Variants in FHIT observed in about 807,000 individuals in gnomAD.
FHIT encodes the protein bis(5'-adenosyl)-triphosphatase.
A neutral mutation model predicts 17.9 loss-of-function variants in FHIT; 19 were observed. The observed-to-expected ratio is 1.06, with a 90% CI of 0.74 to 1.56. The LOEUF (loss-of-function observed/expected upper bound fraction) is 1.56, where lower values mean the gene tolerates loss of function less well. Ranked by LOEUF, FHIT falls within the 40% of genes most tolerant of loss-of-function variation. The probability of loss-of-function intolerance (pLI) is 0.00; values close to 1 mark genes in which losing one functional copy is unlikely to be tolerated. For missense variants in FHIT, 248 were observed against 189.2 expected (o/e 1.31, Z -1.82); for synonymous variants, 81 against 69.7 (o/e 1.16, Z -0.81).
intron 7 of FHIT, among the ~76,000 whole-genome samples, chr3:59,957,775 ACT>A (rs1225640134): frequency 6.6e-6 from 1 of 152,170 alleles, no homozygotes. Context: ...CTACTCTATG[ACT>A]TCTGTTTACT....
At chr3:60,256,468 G>A (rs1400020618) in intron 5 of FHIT, among the ~76,000 whole-genome samples, 2 of 152,186 alleles carry the variant, frequency 1.3e-5, no homozygotes, top group Admixed American at 6.5e-5. Flanking sequence ...AGCAGGAACT[G>A]ACTGAGGCAA....
intron 8 of FHIT, among the ~76,000 whole-genome samples, chr3:59,908,830 G>A (rs569850824): frequency 1.4e-4 from 22 of 152,174 alleles, no homozygotes; most frequent in Non-Finnish European, 2.4e-4. Context: ...AACTTTGGGA[G>A]TCAAGAACAT....
At chr3:60,052,538 A>G (rs1319433128) in intron 5 of FHIT, among the ~76,000 whole-genome samples, 1 of 152,088 alleles carries the variant, frequency 6.6e-6, no homozygotes, top group Non-Finnish European at 1.5e-5. Flanking sequence ...TAGGAGGGAA[A>G]AGAGGGAATC....
chr3:60,716,333 A>T (rs2107951598), intron 4 of FHIT, among the ~76,000 whole-genome samples: 1 of 151,804 alleles, frequency 6.6e-6, no homozygotes, highest in Admixed American at 6.6e-5. Flanking sequence ...GCACAAAAAT[A>T]TTTTCTTTCT....
chr3:60,036,699 C>G (rs1701231947), intron 5 of FHIT, among the ~76,000 whole-genome samples: 1 of 152,146 alleles, frequency 6.6e-6, no homozygotes, highest in Admixed American at 6.5e-5. Flanking sequence ...CTTTACATAG[C>G]TGTATTCAGG....
chr3:60,148,476 AT>A (rs2107322083), intron 5 of FHIT, among the ~76,000 whole-genome samples: 1 of 152,318 alleles, frequency 6.6e-6, no homozygotes, highest in Non-Finnish European at 1.5e-5. Flanking sequence ...TTCTGGTAGA[AT>A]TTTAACTTTG....
chr3:60,389,767 ATTAT>A (rs1238351655), intron 5 of FHIT, among the ~76,000 whole-genome samples: 1 of 152,174 alleles, frequency 6.6e-6, no homozygotes, highest in Non-Finnish European at 1.5e-5. Context: ...CTGTCATTTT[ATTAT>A]TTATTCTTGA....
chr3:59,824,980 T>C (rs1012321267), intron 8 of FHIT, among the ~76,000 whole-genome samples: 1 of 152,218 alleles, frequency 6.6e-6, no homozygotes, highest in African/African-American at 2.4e-5. Context: ...CAGCTACTTC[T>C]GCAAAGAGGT....
In FHIT at chr3:60,935,562, T is replaced by C. The variant is rs1485719407; in HGVS notation, c.-111+106485A>G. On this transcript the variant is annotated intron_variant, in intron 3 of 9. Coordinates refer to ENST00000492590, the MANE Select transcript of FHIT (RefSeq NM_002012.4). ...AAGTTTCAAACAATCCACACAGAAATGGCCCCACACATGAGCCTGCTCTCT... is the reference window on the plus strand; with the variant it reads ...AAGTTTCAAACAATCCACACAGAAACGGCCCCACACATGAGCCTGCTCTCT... Among the ~76,000 whole-genome samples, 3 of 152,314 alleles carry C rather than the reference T, an allele frequency of 2.0e-5. No homozygotes were observed. The East Asian group carries it at 5.8e-4, about 29-fold the overall frequency.
rs533798303 is a variant in FHIT, at chr3:59,858,589, G to T, written c.348+63757C>A. 1.2e-4 allele frequency among the ~76,000 whole-genome samples: 18 copies of T among 152,050 alleles called. No individual in the cohort carries two copies. The South Asian group carries it at 2.5e-3, about 21-fold the overall frequency. Reference sequence around the variant, plus strand: ...AGGAGGCAGGAGCGAGGGGTGTCTTGTGGAGGTGGGTAGTGATGGCAGCCT... The same window carrying T: ...AGGAGGCAGGAGCGAGGGGTGTCTTTTGGAGGTGGGTAGTGATGGCAGCCT... On this transcript the variant is annotated intron_variant, in intron 8 of 9. Coordinates refer to ENST00000492590, the MANE Select transcript of FHIT (RefSeq NM_002012.4).
At chr3:59,834,424 GAGAC>G (rs1311882162) in intron 8 of FHIT, among the ~76,000 whole-genome samples, 1 of 152,116 alleles carries the variant, frequency 6.6e-6, no homozygotes, top group Non-Finnish European at 1.5e-5. Flanking sequence ...TAGAGAGAGA[GAGAC>G]AGAGAGACAG....
intron 5 of FHIT, among the ~76,000 whole-genome samples, chr3:60,312,560 A>G (rs1708994871): frequency 1.3e-5 from 2 of 152,200 alleles, no homozygotes; most frequent in Admixed American, 6.5e-5. Context: ...TTTAGTGTGA[A>G]AACAAATAAA....
intron 3 of FHIT, among the ~76,000 whole-genome samples, chr3:60,932,857 C>T (rs1362607930): frequency 1.3e-5 from 2 of 152,160 alleles, no homozygotes; most frequent in Non-Finnish European, 2.9e-5. Context: ...GCTTCCCTTT[C>T]ATCTACCCAC....
intron 3 of FHIT, among the ~76,000 whole-genome samples, chr3:60,969,946 C>A (rs1053472956): frequency 1.3e-5 from 2 of 152,110 alleles, no homozygotes; most frequent in Non-Finnish European, 2.9e-5. Flanking sequence ...CTCACTGCAA[C>A]CTCTGCCTCC....
At chr3:60,930,338 A>G (rs1178981317) in intron 3 of FHIT, among the ~76,000 whole-genome samples, 3 of 152,218 alleles carry the variant, frequency 2.0e-5, no homozygotes, top group Non-Finnish European at 4.4e-5. Context: ...ACCAAAAGCA[A>G]TGGTAACAAA....
chr3:60,247,779 A>C (rs1705477893), intron 5 of FHIT, among the ~76,000 whole-genome samples: 1 of 152,122 alleles, frequency 6.6e-6, no homozygotes, highest in Non-Finnish European at 1.5e-5. Context: ...TCATCTCTAA[A>C]ATGAGAGAAA....
rs1553798840 is a variant in FHIT, at chr3:61,014,807, AAT to A, written c.-111+27238_-111+27239del. 8.3e-3 allele frequency among the ~76,000 whole-genome samples: 409 copies of A among 49,110 alleles called. 5 individuals are homozygous for A. The highest frequency in any genetic ancestry group is 0.054 in the Middle Eastern group (3 of 56). 32.2% of individuals were successfully genotyped at this position (49,110 alleles called of 152,430 possible). A position where few individuals can be genotyped will look rare whatever the true frequency, so the allele number is the denominator to read the frequency against. On this transcript the variant is annotated intron_variant, in intron 3 of 9. Coordinates refer to ENST00000492590, the MANE Select transcript of FHIT (RefSeq NM_002012.4). ...AAAAAAAAAAAAAAAAAAAAAAAAA[AAT>A]ATATATATATATATATGTATACACA...
intron 4 of FHIT, among the ~76,000 whole-genome samples, chr3:60,745,717 A>C (rs1390199928): frequency 6.6e-6 from 1 of 152,156 alleles, no homozygotes; most frequent in African/African-American, 2.4e-5. Flanking sequence ...TATTCTAACA[A>C]TAGTTACTCT....
At chr3:60,751,581 A>C (rs2042467658) in intron 4 of FHIT, among the ~76,000 whole-genome samples, 1 of 152,186 alleles carries the variant, frequency 6.6e-6, no homozygotes, top group Admixed American at 6.5e-5. Context: ...AATTACAACA[A>C]ATATTTTTGT....
Sources: gnomAD v4.1 joint callset for allele counts (sites outside exome capture counted in the v4.1 genomes callset) on GRCh38, gnomAD v4.1.1 for gene constraint, MANE v1.5 for transcripts, NCBI Gene and HGNC (gene_info 2026-07-23, HGNC 2026-07-21) for gene names.